PTPRD: variants seen among roughly 807,000 people sequenced by gnomAD.
PTPRD encodes the protein protein tyrosine phosphatase receptor type D, also known as receptor-type tyrosine-protein phosphatase delta.
A neutral mutation model predicts 214.5 loss-of-function variants in PTPRD; 34 were observed. That is an observed-to-expected ratio of 0.16 (90% confidence interval 0.12 to 0.21). The LOEUF is 0.21. PTPRD is among the 10% of genes least tolerant of loss of function. PTPRD has a pLI of 1.00. For missense variants in PTPRD, 2,545 were observed against 2,398.7 expected (o/e 1.06, Z -1.27); for synonymous variants, 1,128 against 845.7 (o/e 1.33, Z -5.79).
intron 35 of PTPRD, among the ~76,000 whole-genome samples, chr9:8,408,650 T>C (rs2093254778): frequency 6.6e-6 from 1 of 152,160 alleles, no homozygotes; most frequent in Admixed American, 6.5e-5. Context: ...CTCCAGCCAA[T>C]CAAAAAGCCT....
chr9:9,561,173 C>T (rs1196440331), intron 8 of PTPRD, among the ~76,000 whole-genome samples: 1 of 152,110 alleles, frequency 6.6e-6, no homozygotes, highest in Admixed American at 6.5e-5. Context: ...CGGAGTTATA[C>T]GCCTGCGCTC....
chr9:10,436,375 T>C (rs1342878486), intron 2 of PTPRD, among the ~76,000 whole-genome samples: 1 of 151,746 alleles, frequency 6.6e-6, no homozygotes, highest in African/African-American at 2.4e-5. Context: ...ACCCTCACTA[T>C]AAATGCCTTT....
chr9:10,048,757 C>G (rs1239028568), intron 3 of PTPRD, among the ~76,000 whole-genome samples: 1 of 152,038 alleles, frequency 6.6e-6, no homozygotes, highest in African/African-American at 2.4e-5. Context: ...CGTTGACCAT[C>G]AACTCCCACC....
intron 9 of PTPRD, among the ~76,000 whole-genome samples, chr9:9,377,691 T>C (rs72698901): frequency 0.049 from 7,405 of 152,068 alleles, 336 homozygotes; most frequent in African/African-American, 0.12. Flanking sequence ...TACAAACAGC[T>C]TAACAGTGGC....
At chr9:8,829,396 T>A (rs1371736049) in intron 11 of PTPRD, among the ~76,000 whole-genome samples, 2 of 152,214 alleles carry the variant, frequency 1.3e-5, no homozygotes, top group Admixed American at 1.3e-4. Flanking sequence ...TGTACCCTTT[T>A]GTTTCTGGCT....
intron 7 of PTPRD, among the ~76,000 whole-genome samples, chr9:9,670,523 G>T (rs185688300): frequency 6.6e-6 from 1 of 152,196 alleles, no homozygotes; most frequent in Non-Finnish European, 1.5e-5. Flanking sequence ...AACGGAAAAT[G>T]TCTCTAGGGA....
intron 3 of PTPRD, among the ~76,000 whole-genome samples, chr9:10,172,345 A>C (rs1193746623): frequency 6.6e-6 from 1 of 152,206 alleles, no homozygotes; most frequent in Non-Finnish European, 1.5e-5. Flanking sequence ...GAGATCCTGT[A>C]AGAATAATAT....
At chr9:10,174,586 T>C (rs1274986164) in intron 3 of PTPRD, among the ~76,000 whole-genome samples, 1 of 142,130 alleles carries the variant, frequency 7.0e-6, no homozygotes, top group Non-Finnish European at 1.5e-5. Context: ...CAACGAAAGA[T>C]TTTTTTTTCC....
chr9:10,376,006 T>A (rs2097721086), intron 2 of PTPRD, among the ~76,000 whole-genome samples: 1 of 152,022 alleles, frequency 6.6e-6, no homozygotes, highest in South Asian at 2.1e-4. Context: ...TATAATGTCA[T>A]ACACTCTTAT....
chr9:10,061,012 C>G (rs1211739052), intron 3 of PTPRD, among the ~76,000 whole-genome samples: 1 of 150,096 alleles, frequency 6.7e-6, no homozygotes, highest in Non-Finnish European at 1.5e-5. Flanking sequence ...CTTTCTGTCT[C>G]TCTCTCTTTC....
chr9:8,730,973 C>T (rs1176709597), intron 12 of PTPRD, among the ~76,000 whole-genome samples: 1 of 152,154 alleles, frequency 6.6e-6, no homozygotes, highest in African/African-American at 2.4e-5. Context: ...GATACAAACA[C>T]ACGTCTAGCT....
At chr9:8,741,461 A>G (rs755240588) in intron 11 of PTPRD, among the ~76,000 whole-genome samples, 8 of 151,964 alleles carry the variant, frequency 5.3e-5, no homozygotes, top group Non-Finnish European at 1.0e-4. Flanking sequence ...AAGACACTGT[A>G]CAAGTGAGAA....
chr9:10,457,003 A>G (rs1157713504), intron 2 of PTPRD, among the ~76,000 whole-genome samples: 4 of 151,926 alleles, frequency 2.6e-5, no homozygotes, highest in South Asian at 2.1e-4. Context: ...ATAAAAGCCA[A>G]AATAGCTCCA....
At chr9:9,466,360 T>G (rs1396663998) in intron 8 of PTPRD, among the ~76,000 whole-genome samples, 1 of 152,152 alleles carries the variant, frequency 6.6e-6, no homozygotes, top group African/African-American at 2.4e-5. Flanking sequence ...TCTTCCCAGA[T>G]CAGTGTTCTA....
chr9:8,978,670 G>C (rs1047922334), intron 11 of PTPRD, among the ~76,000 whole-genome samples: 1 of 152,088 alleles, frequency 6.6e-6, no homozygotes, highest in African/African-American at 2.4e-5. Context: ...ACCTTGGCTT[G>C]TGCCAGGCAC....
intron 7 of PTPRD, among the ~76,000 whole-genome samples, chr9:9,589,722 GA>G (rs200558374): frequency 0.018 from 2,724 of 151,696 alleles, 76 homozygotes; most frequent in African/African-American, 0.062. Flanking sequence ...CTTTACAAAA[GA>G]AAAAAAAGTT....
intron 5 of PTPRD, among the ~76,000 whole-genome samples, chr9:9,882,153 T>C (rs1456413074): frequency 6.6e-6 from 1 of 152,128 alleles, no homozygotes; most frequent in Non-Finnish European, 1.5e-5. Context: ...ATAACACATA[T>C]ATCAAATACA....
chr9:9,949,163 T>C (rs149968566), intron 4 of PTPRD, among the ~76,000 whole-genome samples: 21 of 152,238 alleles, frequency 1.4e-4, no homozygotes, highest in African/African-American at 4.1e-4. Context: ...CCATGATCTG[T>C]AGAAAATATT....
At chr9:10,414,876 G>A (rs1283975760) in intron 2 of PTPRD, among the ~76,000 whole-genome samples, 1 of 151,810 alleles carries the variant, frequency 6.6e-6, no homozygotes, top group African/African-American at 2.4e-5. Flanking sequence ...TTATAAGAAT[G>A]ATGAGAACTC....
Sources: allele counts gnomAD v4.1 joint callset (sites outside exome capture counted in the v4.1 genomes callset), GRCh38; gene constraint gnomAD v4.1.1; transcripts MANE v1.5; gene names NCBI Gene and HGNC (gene_info 2026-07-23, HGNC 2026-07-21).